The following CEP128 variants were observed in gnomAD, a reference collection of about 807,000 sequenced individuals.
CEP128 encodes centrosomal protein 128.
Under a neutral mutation model 156.7 loss-of-function variants are expected in CEP128, and 132 were observed. That is an observed-to-expected ratio of 0.84 (90% CI 0.73 to 0.97). The LOEUF (loss-of-function observed/expected upper bound fraction) is 0.97. Among genes scored for constraint, CEP128 ranks in the 50% least tolerant of loss-of-function variants. The pLI is 0.00. For missense variants in CEP128, 1,252 were observed against 1,281.9 expected (o/e 0.98, Z 0.36); for synonymous variants, 469 against 448.9 (o/e 1.04, Z -0.57).
At chr14:80,598,879 G>A (rs1053130500) in intron 19 of CEP128, among the ~76,000 whole-genome samples, 1 of 152,046 alleles carries the variant, frequency 6.6e-6, no homozygotes, top group Non-Finnish European at 1.5e-5. Context: ...ATGGAATGAG[G>A]GTGGAAGAGA....
intron 19 of CEP128, among the ~76,000 whole-genome samples, chr14:80,607,075 AAT>A (rs1429366151): frequency 3.3e-5 from 5 of 151,750 alleles, no homozygotes; most frequent in African/African-American, 7.3e-5. Context: ...GTGTGCATCG[AAT>A]ATATGTGTTA....
chr14:80,772,535 G>A (rs1051608598), intron 16 of CEP128, among the ~76,000 whole-genome samples: 1 of 152,128 alleles, frequency 6.6e-6, no homozygotes, highest in African/African-American at 2.4e-5. Context: ...TGCCGGACAG[G>A]ACCTGGGTAC....
At chr14:80,505,927 CA>C (rs1309722534) in intron 23 of CEP128, among the ~76,000 whole-genome samples, 1 of 152,104 alleles carries the variant, frequency 6.6e-6, no homozygotes, top group African/African-American at 2.4e-5. Flanking sequence ...GGTCTACAGT[CA>C]GAAAGCCTTC....
At chr14:80,816,632 G>C in intron 13 of CEP128, among the ~76,000 whole-genome samples, 1 of 152,156 alleles carries the variant, frequency 6.6e-6, no homozygotes, top group African/African-American at 2.4e-5. Flanking sequence ...TGCTGAGAGG[G>C]AGAGGCCTTA....
intron 8 of CEP128, among the ~76,000 whole-genome samples, chr14:80,889,467 A>G (rs1888972891): frequency 6.6e-6 from 1 of 152,230 alleles, no homozygotes; most frequent in South Asian, 2.1e-4. Context: ...CTGCAGGAAT[A>G]ACACCACACA....
intron 19 of CEP128, among the ~76,000 whole-genome samples, chr14:80,681,706 G>T (rs539055282): frequency 6.6e-6 from 1 of 152,142 alleles, no homozygotes; most frequent in African/African-American, 2.4e-5. Context: ...TTTGCCTTCC[G>T]CCGTGATTGT....
intron 21 of CEP128, among the ~76,000 whole-genome samples, chr14:80,535,444 T>C (rs932883286): frequency 6.6e-6 from 1 of 152,248 alleles, no homozygotes; most frequent in Non-Finnish European, 1.5e-5. Flanking sequence ...AGCTATCAAC[T>C]CTTAGCAGCT....
chr14:80,660,081 T>G (rs1343720891), intron 19 of CEP128, among the ~76,000 whole-genome samples: 1 of 152,166 alleles, frequency 6.6e-6, no homozygotes, highest in African/African-American at 2.4e-5. Context: ...AGGTCTTCTG[T>G]GTACGCAAAG....
At chr14:80,633,141 C>G (rs1289320281) in intron 19 of CEP128, among the ~76,000 whole-genome samples, 1 of 138,806 alleles carries the variant, frequency 7.2e-6, no homozygotes, top group East Asian at 2.1e-4. Context: ...GCAGGAGGAT[C>G]ACGTGAGCCC....
Position 80,710,397 on chromosome 14 carries a change from T to C in CEP128, c.2806+32678A>G, listed in dbSNP as rs891059567. Among the ~76,000 whole-genome samples the C allele has an allele frequency of 2.6e-5, 4 of 152,276 alleles. No individual in the cohort carries two copies. In the East Asian group the frequency reaches 7.7e-4, roughly 29 times the overall value. ...AAGAAACAAAATATATTTATTTGCA[T>C]CTACTTTGGTGTCAACTGAATTCAT... On this transcript the variant is annotated intron_variant, in intron 19 of 24. Transcript: ENST00000555265.
At chr14:80,933,685 A>G (rs560538997) in intron 2 of CEP128, among the ~76,000 whole-genome samples, 35 of 152,190 alleles carry the variant, frequency 2.3e-4, no homozygotes, top group Non-Finnish European at 4.4e-4. Context: ...GCAAATGCTG[A>G]GTGAACTCTG....
chr14:80,850,287 A>G (rs1047336793), intron 9 of CEP128, among the ~76,000 whole-genome samples: 3 of 152,172 alleles, frequency 2.0e-5, no homozygotes, highest in African/African-American at 7.2e-5. Flanking sequence ...GGCTAGTGCC[A>G]AGTACACTTT....
chr14:80,656,589 A>C (rs1895184024), intron 19 of CEP128, among the ~76,000 whole-genome samples: 1 of 151,930 alleles, frequency 6.6e-6, no homozygotes. Context: ...TAAATGTAGA[A>C]AGTTCTAAGT....
At chr14:80,536,196 T>C (rs937462533) in intron 21 of CEP128, among the ~76,000 whole-genome samples, 5 of 152,168 alleles carry the variant, frequency 3.3e-5, no homozygotes, top group African/African-American at 4.8e-5. Context: ...GGGGAATGCA[T>C]TGCAATTCTT....
Position 80,784,980 on chromosome 14 carries a change from G to C in CEP128, c.2126C>G (p.Thr709Arg), listed in dbSNP as rs1470823427. The part of the protein sequence containing the change: ...DLTSSLQSVK[T>R]KHEQNIQELM... ...CTCCTGGATATTCTGTTCGTGTTTT[G>C]TTTTCACACTCTGCAATGATGATGT... The change falls in exon 15 of 25, where the codon ACA (threonine) becomes AGA (arginine). Residue 709 changes from threonine (T) to arginine (R), a missense_variant. Thr to Arg is a moderately conservative substitution (Grantham distance 71). Transcript: ENST00000555265. 6.2e-7 allele frequency: 1 copy of C among 1,613,952 alleles called. No individual in the cohort carries two copies.
intron 13 of CEP128, among the ~76,000 whole-genome samples, chr14:80,802,682 G>T (rs1251903422): frequency 1.3e-5 from 2 of 149,374 alleles, no homozygotes; most frequent in Non-Finnish European, 3.0e-5. Context: ...AAGAAATAAA[G>T]AAAAAAAAAG....
chr14:80,834,279 T>C (rs897263757), intron 12 of CEP128, among the ~76,000 whole-genome samples: 4 of 152,050 alleles, frequency 2.6e-5, no homozygotes, highest in Non-Finnish European at 2.9e-5. Flanking sequence ...GCAAGAGGCA[T>C]AGAAGTCACA....
rs61979401 is a variant in CEP128, at chr14:80,663,379, G to A, written c.2806+79696C>T. ...CCAGGCAATATGATCCACCTCCAGG[G>A]AGAAGTAGCAAAAGTTTTCAAAACA... On this transcript the variant is annotated intron_variant, in intron 19 of 24. Transcript: ENST00000555265. 2.2e-3 allele frequency among the ~76,000 whole-genome samples: 342 copies of A among 152,274 alleles called. 1 individual carries two copies. Among genetic ancestry groups the A allele is most frequent in the Admixed American group, 4.1e-3 (63 of 15,288 alleles).
intron 21 of CEP128, among the ~76,000 whole-genome samples, chr14:80,550,461 T>C (rs1192132104): frequency 6.6e-6 from 1 of 152,104 alleles, no homozygotes; most frequent in East Asian, 1.9e-4. Context: ...TTCATATAAA[T>C]AATATAAACT....
Sources: gnomAD v4.1 joint callset for allele counts (sites outside exome capture counted in the v4.1 genomes callset) on GRCh38, gnomAD v4.1.1 for gene constraint, MANE v1.5 for transcripts, NCBI Gene and HGNC (gene_info 2026-07-23, HGNC 2026-07-21) for gene names.